Variants in SYNE1 observed in about 807,000 individuals in gnomAD.
SYNE1 encodes the protein nesprin-1.
In SYNE1, 616 loss-of-function variants were observed where a neutral mutation model predicts 1,111.0. The ratio of observed to expected loss-of-function variants is 0.55; its 90% CI spans 0.52 to 0.59. The LOEUF (loss-of-function observed/expected upper bound fraction) is 0.59. Ranked by LOEUF, SYNE1 falls within the 20% of genes least tolerant of loss-of-function variation. The probability of loss-of-function intolerance (pLI) is 0.00; values close to 1 mark genes in which losing one functional copy is unlikely to be tolerated. For synonymous variants in SYNE1, 3,855 were observed against 3,825.8 expected, an observed-to-expected ratio of 1.01 and a Z score of -0.28; for missense variants, 10,006 against 10,417.0, an observed-to-expected ratio of 0.96 and a Z score of 1.72.
intron 90 of SYNE1, among the ~76,000 whole-genome samples, chr6:152,309,192 CT>C (rs1264895347): frequency 1.3e-5 from 2 of 152,216 alleles, no homozygotes; most frequent in East Asian, 3.9e-4. Context: ...GTATGAATGA[CT>C]TTTAGCCTCA....
In SYNE1 at chr6:152,206,299, G is replaced by C; in HGVS notation, c.22888C>G (p.Gln7630Glu). The C allele has an allele frequency of 6.2e-7, 1 of 1,614,072 alleles. No homozygotes were observed. The highest frequency in any genetic ancestry group is 1.1e-5 in the South Asian group (1 of 91,078). Reference sequence around the variant, plus strand: ...CCACTGTCCGCCGAGAGAAGGAGTTGCTTGCCAGCCTCCACAGTCAGGATG... The same window carrying C: ...CCACTGTCCGCCGAGAGAAGGAGTTCCTTGCCAGCCTCCACAGTCAGGATG... The part of the protein sequence containing the change: ...SYILTVEAGK[Q>E]LLLSADSGAE... The change falls in exon 126 of 146, where the codon CAA becomes GAA. Residue 7630 changes from glutamine to glutamate, a missense_variant. Physicochemically the swap from Gln to Glu is conservative, Grantham distance 29 (BLOSUM62 2). Around this residue, in one of 7 missense-constraint regions of SYNE1, gnomAD observed 2,182 missense variants for 2,287.8 expected, o/e 0.95. Coordinates refer to ENST00000367255, the MANE Select transcript of SYNE1 (RefSeq NM_182961.4).
intron 29 of SYNE1, 138 bp downstream of exon 29, chr6:152,447,320 C>CA (rs1564087530): frequency 1.9e-5 from 18 of 966,568 alleles, no homozygotes; most frequent in Non-Finnish European, 2.3e-5. Flanking sequence ...AAGCTTCATA[C>CA]AAAAAAAGCA....
chr6:152,136,590 G>T, intron 141 of SYNE1, 28 bp downstream of exon 141: 1 of 1,611,488 alleles, frequency 6.2e-7, no homozygotes, highest in Non-Finnish European at 8.5e-7. Flanking sequence ...CTCTCTCTGA[G>T]TCACCTCCTG....
intron 56 of SYNE1, among the ~76,000 whole-genome samples, chr6:152,379,432 TTGAG>T (rs1221628844): frequency 1.3e-5 from 2 of 152,288 alleles, no homozygotes; most frequent in Admixed American, 1.3e-4. Context: ...AAAGAATTTC[TTGAG>T]TATTGTCATC....
chr6:152,592,409 T>A (rs2099569598), intron 3 of SYNE1, among the ~76,000 whole-genome samples: 1 of 152,152 alleles, frequency 6.6e-6, no homozygotes, highest in African/African-American at 2.4e-5. Flanking sequence ...TCATGTCCTT[T>A]GCAGCAACAT....
At chr6:152,554,827 C>T (rs2099359532) in intron 3 of SYNE1, among the ~76,000 whole-genome samples, 1 of 152,146 alleles carries the variant, frequency 6.6e-6, no homozygotes, top group Non-Finnish European at 1.5e-5. Context: ...CATGGATTGC[C>T]AAGTAGTGGC....
intron 121 of SYNE1, among the ~76,000 whole-genome samples, chr6:152,216,597 G>C (rs2078731249): frequency 6.6e-6 from 1 of 152,174 alleles, no homozygotes; most frequent in Admixed American, 6.5e-5. Context: ...TGGTGCAACA[G>C]AATAAGATCC....
Position 152,178,910 on chromosome 6 carries a change from C to CTT in SYNE1, c.23460+1224_23460+1225dup, listed in dbSNP as rs750037655. 5.4e-3 allele frequency among the ~76,000 whole-genome samples: 623 copies of CTT among 115,532 alleles called. 13 individuals are homozygous for CTT. The highest frequency in any genetic ancestry group is 0.031 in the South Asian group (105 of 3,396). The allele number at this position is 115,532 out of a possible 152,430, so 75.8% of individuals were successfully genotyped here. On this transcript the variant is annotated intron_variant, in intron 129 of 145. Coordinates refer to ENST00000367255, the MANE Select transcript of SYNE1 (RefSeq NM_182961.4). ...GAAACAACACTGAAATCACCCAATT[C>CTT]TTTTTTTTTTTTTTTTTTTTTGAGA...
intron 3 of SYNE1, among the ~76,000 whole-genome samples, chr6:152,541,475 G>A (rs959107889): frequency 3.5e-4 from 54 of 152,168 alleles, no homozygotes; most frequent in African/African-American, 1.2e-3. Flanking sequence ...TTGGCCAGGC[G>A]TGGCGGCTCA....
At position 152,236,878 on chromosome 6, in the gene SYNE1, G is replaced by C; in HGVS notation, c.20138C>G (p.Pro6713Arg). ...RQLEVVESSI[P>R]SVGLVEENED... ...GTTCTCCTCCACCAGACCCACGCTT[G>C]GGATGCTGCTTTCCACCACCTCCAG... The change falls in exon 109 of 146, where the codon CCA becomes CGA. Residue 6713 changes from proline to arginine, a missense_variant. By Grantham distance (103) the Pro-to-Arg change is moderately radical. Coordinates refer to ENST00000367255, the MANE Select transcript of SYNE1 (RefSeq NM_182961.4). The C allele has an allele frequency of 1.9e-6, 3 of 1,614,160 alleles. No individual in the cohort carries two copies. Among genetic ancestry groups the C allele is most frequent in the Non-Finnish European group, 2.5e-6 (3 of 1,180,032 alleles).
chr6:152,248,340 A>G (rs530096333), intron 105 of SYNE1, among the ~76,000 whole-genome samples: 2 of 152,338 alleles, frequency 1.3e-5, no homozygotes, highest in Admixed American at 1.3e-4. Flanking sequence ...TTTTGGTTGT[A>G]GCATGTACAC....
intron 130 of SYNE1, among the ~76,000 whole-genome samples, chr6:152,170,369 C>G (rs557544317): frequency 6.6e-6 from 1 of 152,204 alleles, no homozygotes; most frequent in Non-Finnish European, 1.5e-5. Context: ...AGTCCTTTCC[C>G]TTGCATTTTC....
intron 78 of SYNE1, 56 bp from the exon 79 acceptor site, chr6:152,326,689 A>G (rs2096074503): frequency 2.6e-6 from 4 of 1,525,862 alleles, no homozygotes; most frequent in East Asian, 2.3e-5. Flanking sequence ...TGTTTGCAGG[A>G]AAGAGTTTTA....
chr6:152,614,908 C>T (rs1319587543), intron 3 of SYNE1, among the ~76,000 whole-genome samples: 2 of 152,202 alleles, frequency 1.3e-5, no homozygotes, highest in East Asian at 3.9e-4. Context: ...CAAATGTTCT[C>T]ACTCATAGGT....
intron 82 of SYNE1, 84 bp downstream of exon 82, chr6:152,323,394 A>C (rs1286563057): frequency 2.5e-6 from 4 of 1,579,726 alleles, no homozygotes; most frequent in Non-Finnish European, 3.4e-6. Context: ...AGCCGAGATC[A>C]CACATTTGCA....
At chr6:152,368,709 C>CT in intron 61 of SYNE1, 1 of 475,756 alleles carries the variant, frequency 2.1e-6, no homozygotes, top group Non-Finnish European at 3.9e-6. Context: ...AAAGGAATAT[C>CT]TTGTGCAATA....
chr6:152,166,547 C>T (rs561388631), intron 130 of SYNE1, among the ~76,000 whole-genome samples: 13 of 152,044 alleles, frequency 8.6e-5, no homozygotes, highest in Admixed American at 7.2e-4. Context: ...TCCATAGGAC[C>T]GTCTACATTA....
chr6:152,402,927 A>T (rs1162832211), intron 46 of SYNE1, among the ~76,000 whole-genome samples: 1 of 152,278 alleles, frequency 6.6e-6, no homozygotes, highest in South Asian at 2.1e-4. Flanking sequence ...TCTTTTTTGC[A>T]TATGGATAGC....
At chr6:152,147,011 A>G (rs1178787046) in intron 137 of SYNE1, 1 of 152,398 alleles carries the variant, frequency 6.6e-6, no homozygotes, top group African/African-American at 2.4e-5. Context: ...GCACACAAGC[A>G]AACTCATCCC....
Sources: allele counts gnomAD v4.1 joint callset (sites outside exome capture counted in the v4.1 genomes callset), GRCh38; gene constraint gnomAD v4.1.1; regional missense constraint gnomAD v4.1.1; transcripts MANE v1.5; gene names NCBI Gene and HGNC (gene_info 2026-07-23, HGNC 2026-07-21).